The following FAM53B variants were observed in gnomAD, a reference collection of about 807,000 sequenced individuals.
FAM53B encodes protein FAM53B.
FAM53B carries 12 observed loss-of-function variants against 32.7 expected under a neutral mutation model. That is an observed-to-expected ratio of 0.37 (90% confidence interval 0.24 to 0.59). The LOEUF is 0.59. Ranked by LOEUF, FAM53B falls within the 20% of genes least tolerant of loss-of-function variation. FAM53B has a pLI of 0.72. For synonymous variants in FAM53B, 234 were observed against 228.7 expected (o/e 1.02, Z -0.21); for missense variants, 477 against 577.7 (o/e 0.83, Z 1.79).
At chr10:124,709,485 G>A (rs141480305) in intron 1 of FAM53B, among the ~76,000 whole-genome samples, 2 of 152,204 alleles carry the variant, frequency 1.3e-5, no homozygotes, top group African/African-American at 4.8e-5. Flanking sequence ...GAGAAGGCAG[G>A]TGTAGCACAA....
At chr10:124,723,711 C>T (rs1244800334) in intron 1 of FAM53B, among the ~76,000 whole-genome samples, 2 of 152,204 alleles carry the variant, frequency 1.3e-5, no homozygotes, top group African/African-American at 4.8e-5. Flanking sequence ...AGGGCCGGCC[C>T]TGGGCCAGGC....
At chr10:124,641,489 G>A (rs960374736) in intron 4 of FAM53B, among the ~76,000 whole-genome samples, 21 of 152,220 alleles carry the variant, frequency 1.4e-4, no homozygotes, top group African/African-American at 5.1e-4. Flanking sequence ...AGAACCCACT[G>A]GGGAGGTGCC....
chr10:124,679,121 G>A (rs556655391), intron 4 of FAM53B, among the ~76,000 whole-genome samples: 172 of 152,318 alleles, frequency 1.1e-3, no homozygotes, highest in Admixed American at 1.6e-3. Context: ...AAAGGCCCAC[G>A]AAAGAGAAGC....
intron 4 of FAM53B, among the ~76,000 whole-genome samples, chr10:124,648,839 C>T (rs1949537944): frequency 6.6e-6 from 1 of 152,260 alleles, no homozygotes; most frequent in East Asian, 1.9e-4. Context: ...GGAAGCCGCC[C>T]TGAGAAGAGA....
intron 4 of FAM53B, among the ~76,000 whole-genome samples, chr10:124,674,569 C>G (rs895074211): frequency 5.9e-5 from 9 of 152,238 alleles, no homozygotes; most frequent in African/African-American, 1.7e-4. Context: ...CCTCTGTCTC[C>G]TCGTCTCAGC....
intron 4 of FAM53B, among the ~76,000 whole-genome samples, chr10:124,660,097 G>A (rs1202593577): frequency 2.0e-5 from 3 of 152,232 alleles, no homozygotes; most frequent in Non-Finnish European, 4.4e-5. Flanking sequence ...ATGAGCCGCT[G>A]TGCCTGGCCC....
intron 2 of FAM53B, among the ~76,000 whole-genome samples, chr10:124,697,240 T>C (rs1298629933): frequency 6.6e-6 from 1 of 152,068 alleles, no homozygotes; most frequent in Non-Finnish European, 1.5e-5. Flanking sequence ...CATGCAATGA[T>C]GAAAGGAGCT....
At chr10:124,661,751 C>T (rs1397924235) in intron 4 of FAM53B, among the ~76,000 whole-genome samples, 1 of 152,266 alleles carries the variant, frequency 6.6e-6, no homozygotes. Context: ...CGTTTGGACA[C>T]TGCTCGTTGT....
chr10:124,732,731 C>T (rs7086357), intron 1 of FAM53B, among the ~76,000 whole-genome samples: 23 of 151,978 alleles, frequency 1.5e-4, no homozygotes, highest in Admixed American at 3.3e-4. Context: ...TAGTGGCACA[C>T]GCCCATAGTC....
At chr10:124,724,254 A>G (rs1392710099) in intron 1 of FAM53B, among the ~76,000 whole-genome samples, 1 of 152,174 alleles carries the variant, frequency 6.6e-6, no homozygotes, top group Admixed American at 6.5e-5. Flanking sequence ...ATGCTGCTAA[A>G]TGACATGTCT....
intron 4 of FAM53B, among the ~76,000 whole-genome samples, chr10:124,626,692 G>A (rs969589476): frequency 1.3e-5 from 2 of 151,516 alleles, no homozygotes; most frequent in Non-Finnish European, 2.9e-5. Context: ...AACAAAGTAA[G>A]ACACTTTATG....
At chr10:124,673,096 C>T (rs1949716724) in intron 4 of FAM53B, among the ~76,000 whole-genome samples, 1 of 152,132 alleles carries the variant, frequency 6.6e-6, no homozygotes, top group Non-Finnish European at 1.5e-5. Context: ...CTGCTTTCAC[C>T]TCGAGAACAT....
intron 2 of FAM53B, among the ~76,000 whole-genome samples, chr10:124,699,025 C>G (rs1413990136): frequency 6.6e-6 from 1 of 152,254 alleles, no homozygotes; most frequent in Non-Finnish European, 1.5e-5. Flanking sequence ...CTTCACGCAG[C>G]AGGCTTTGCA....
intron 3 of FAM53B, among the ~76,000 whole-genome samples, chr10:124,686,359 T>G (rs779952290): frequency 1.3e-4 from 20 of 152,218 alleles, no homozygotes; most frequent in Non-Finnish European, 2.5e-4. Context: ...CTATAAGATT[T>G]CTTTGTCGTA....
intron 2 of FAM53B, among the ~76,000 whole-genome samples, chr10:124,702,258 G>GA (rs1370245772): frequency 6.6e-6 from 1 of 152,172 alleles, no homozygotes; most frequent in African/African-American, 2.4e-5. Flanking sequence ...AGTCTGATTA[G>GA]AAAACAAAAG....
intron 1 of FAM53B, among the ~76,000 whole-genome samples, chr10:124,719,047 T>TAA (rs34673024): frequency 2.7e-4 from 40 of 148,984 alleles, no homozygotes; most frequent in South Asian, 6.3e-4. Context: ...ACAAAAAAAA[T>TAA]AAAAAAAAAG....
intron 1 of FAM53B, chr10:124,707,889 C>G (rs1949972104): frequency 6.6e-6 from 1 of 152,274 alleles, no homozygotes; most frequent in Non-Finnish European, 1.5e-5. Flanking sequence ...ATGGGACCCA[C>G]TCAGCATCGC....
At chr10:124,672,543 C>T (rs1949712756) in intron 4 of FAM53B, among the ~76,000 whole-genome samples, 1 of 152,206 alleles carries the variant, frequency 6.6e-6, no homozygotes, top group Admixed American at 6.5e-5. Flanking sequence ...AGCTGCTGTC[C>T]CAGCTGTTGT....
intron 3 of FAM53B, among the ~76,000 whole-genome samples, chr10:124,685,999 C>CT (rs1949800128): frequency 6.6e-6 from 1 of 152,182 alleles, no homozygotes; most frequent in Non-Finnish European, 1.5e-5. Flanking sequence ...ACAACAAACC[C>CT]TACACTCCAG....
Sources: allele counts gnomAD v4.1 joint callset (sites outside exome capture counted in the v4.1 genomes callset), GRCh38; gene constraint gnomAD v4.1.1; transcripts MANE v1.5; gene names NCBI Gene and HGNC (gene_info 2026-07-23, HGNC 2026-07-21).